The following CADPS variants were observed in gnomAD, a reference collection of about 807,000 sequenced individuals.
The protein encoded by CADPS is calcium dependent secretion activator.
CADPS carries 57 observed loss-of-function variants against 167.3 expected under a neutral mutation model. That is an observed-to-expected ratio of 0.34 (90% confidence interval 0.28 to 0.42). The LOEUF (loss-of-function observed/expected upper bound fraction) is 0.42. Ranked by LOEUF, CADPS falls within the 20% of genes least tolerant of loss-of-function variation. The pLI, the probability that CADPS is intolerant of heterozygous loss-of-function variation, is 1.00. For synonymous variants in CADPS, 676 were observed against 635.3 expected (o/e 1.06, Z -0.96); for missense variants, 1,414 against 1,738.1 (o/e 0.81, Z 3.32).
intron 1 of CADPS, among the ~76,000 whole-genome samples, chr3:62,777,956 T>G (rs1160851784): frequency 6.6e-6 from 1 of 152,258 alleles, no homozygotes; most frequent in African/African-American, 2.4e-5. Context: ...TACTGAGGTT[T>G]CAGAGACTTT....
At chr3:62,701,980 A>C (rs2081481914) in intron 3 of CADPS, among the ~76,000 whole-genome samples, 1 of 152,160 alleles carries the variant, frequency 6.6e-6, no homozygotes, top group African/African-American at 2.4e-5. Context: ...CTCTATGTTC[A>C]GCTTACCTTA....
rs534778638 is a variant in CADPS, at chr3:62,625,912, T to C, written c.1325+19810A>G. Reference sequence around the variant, plus strand: ...TGTACATGATTTATTTCCCTGTAAGTATGCTGCATCCTGAAAACAGGGTCT... The same window carrying C: ...TGTACATGATTTATTTCCCTGTAAGCATGCTGCATCCTGAAAACAGGGTCT... On this transcript the variant is annotated intron_variant, in intron 6 of 29. Coordinates refer to ENST00000383710, the MANE Select transcript of CADPS (RefSeq NM_003716.4). 118 of 151,234 alleles carry C rather than the reference T, an allele frequency of 7.8e-4. 11 individuals carry two copies. The highest frequency in any genetic ancestry group is 2.8e-3 in the African/African-American group (112 of 40,520). The allele number at this position is 151,234 out of a possible 1,614,324, so 9.4% of individuals were successfully genotyped here.
chr3:62,642,039 G>A (rs1247071636), intron 6 of CADPS, among the ~76,000 whole-genome samples: 2 of 151,492 alleles, frequency 1.3e-5, no homozygotes, highest in Non-Finnish European at 2.9e-5. Flanking sequence ...TTCAATACAT[G>A]AGGATTCCAA....
At chr3:62,599,829 TATATA>T (rs1202079488) in intron 6 of CADPS, among the ~76,000 whole-genome samples, 2 of 5,320 alleles carry the variant, frequency 3.8e-4, no homozygotes, top group African/African-American at 1.1e-3. Context: ...ATATATTATA[TATATA>T]ATATATTATA....
chr3:62,635,967 C>G (rs183579892), intron 6 of CADPS, among the ~76,000 whole-genome samples: 312 of 152,190 alleles, frequency 2.1e-3, no homozygotes, highest in Non-Finnish European at 3.7e-3. Context: ...GAACACATTC[C>G]AAAGGAAACT....
chr3:62,670,129 C>T (rs1395439), intron 3 of CADPS, among the ~76,000 whole-genome samples: 144,839 of 152,230 alleles, frequency 0.95, 69,301 homozygotes, highest in East Asian at 1. Flanking sequence ...GGAGCATCTA[C>T]AGCTGCTGCA....
intron 17 of CADPS, among the ~76,000 whole-genome samples, chr3:62,506,432 T>C (rs930492058): frequency 2.7e-4 from 41 of 152,218 alleles, no homozygotes; most frequent in African/African-American, 9.9e-4. Flanking sequence ...AAAATAATTT[T>C]ATTTAACTTA....
chr3:62,550,556 G>T (rs2077162082), intron 10 of CADPS, among the ~76,000 whole-genome samples: 1 of 152,024 alleles, frequency 6.6e-6, no homozygotes, highest in Non-Finnish European at 1.5e-5. Context: ...CGAACCCCCT[G>T]GGCATGTTGT....
At chr3:62,652,383 G>A (rs2070380598) in intron 4 of CADPS, among the ~76,000 whole-genome samples, 1 of 135,180 alleles carries the variant, frequency 7.4e-6, no homozygotes, top group African/African-American at 2.9e-5. Flanking sequence ...GAATTGGTAT[G>A]CCAATTCTGT....
intron 1 of CADPS, among the ~76,000 whole-genome samples, chr3:62,839,511 T>G (rs1305686521): frequency 6.6e-6 from 1 of 152,124 alleles, no homozygotes; most frequent in Non-Finnish European, 1.5e-5. Context: ...TCCCTGTCAC[T>G]GGAGTTCAGA....
At chr3:62,697,913 G>A (rs1216007674) in intron 3 of CADPS, among the ~76,000 whole-genome samples, 57 of 151,984 alleles carry the variant, frequency 3.8e-4, no homozygotes, top group Non-Finnish European at 1.8e-4. Context: ...TTTGAGAAAT[G>A]TCTATTCATA....
rs2083156555 is a variant in CADPS at position 62,753,414 on chromosome 3, T to A, written c.888+27A>T. 6.4e-7 allele frequency: 1 copy of A among 1,562,080 alleles called. No individual in the cohort carries two copies. Among genetic ancestry groups the A allele is most frequent in the Admixed American group, 1.7e-5 (1 of 58,816 alleles). ...GAATGCAGCTCTGCTTACCCACAGC[T>A]CTAGGCCCAGGCGAGAAACACCTTA... On this transcript the variant is annotated intron_variant, in intron 3 of 29. Transcript: ENST00000383710. This position sits in a 1 kb window ranked among gnomAD's most constrained non-coding sequence, Gnocchi z 4.6.
At chr3:62,617,585 T>A (rs985983110) in intron 6 of CADPS, among the ~76,000 whole-genome samples, 11 of 151,954 alleles carry the variant, frequency 7.2e-5, no homozygotes, top group Non-Finnish European at 1.3e-4. Flanking sequence ...ACAAGACATG[T>A]GTGATGAGAT....
At chr3:62,592,487 C>G (rs529092637) in intron 7 of CADPS, 150 bp downstream of exon 7, 2 of 601,022 alleles carry the variant, frequency 3.3e-6, no homozygotes, top group African/African-American at 3.7e-5. Flanking sequence ...CTTAAGGTCA[C>G]CCAGCCAATG....
At chr3:62,503,321 C>A (rs1020423995) in intron 17 of CADPS, among the ~76,000 whole-genome samples, 1 of 152,214 alleles carries the variant, frequency 6.6e-6, no homozygotes, top group East Asian at 1.9e-4. Flanking sequence ...GCTACTTGAA[C>A]CTCTCTGTGC....
At chr3:62,784,659 A>C (rs1241899602) in intron 1 of CADPS, among the ~76,000 whole-genome samples, 1 of 152,114 alleles carries the variant, frequency 6.6e-6, no homozygotes, top group East Asian at 1.9e-4. Context: ...GGAGAGAACT[A>C]TGTTAAATAA....
chr3:62,491,267 T>C, intron 21 of CADPS, 72 bp downstream of exon 21: 1 of 1,443,122 alleles, frequency 6.9e-7, no homozygotes, highest in South Asian at 1.2e-5. Context: ...TATGACATCA[T>C]TAATCCATTT....
At chr3:62,760,260 C>T (rs1422188729) in intron 2 of CADPS, among the ~76,000 whole-genome samples, 1 of 152,050 alleles carries the variant, frequency 6.6e-6, no homozygotes, top group Non-Finnish European at 1.5e-5. Flanking sequence ...TATATATATT[C>T]TCATTTAGTC....
intron 1 of CADPS, among the ~76,000 whole-genome samples, chr3:62,819,116 ATGTG>A (rs1482703730): frequency 1.3e-5 from 2 of 152,128 alleles, no homozygotes; most frequent in Non-Finnish European, 2.9e-5. Context: ...AGTGTGGGTT[ATGTG>A]TGTATTTGTC....
Sources: allele counts gnomAD v4.1 joint callset (sites outside exome capture counted in the v4.1 genomes callset), GRCh38; gene constraint gnomAD v4.1.1; non-coding constraint Gnocchi (gnomAD v3.1); transcripts MANE v1.5; gene names NCBI Gene and HGNC (gene_info 2026-07-23, HGNC 2026-07-21).